The following SPRED1 variants were observed in gnomAD, a reference collection of about 807,000 sequenced individuals.
The protein encoded by SPRED1 is sprouty-related, EVH1 domain-containing protein 1.
A neutral mutation model predicts 52.3 loss-of-function variants in SPRED1; 18 were observed. The ratio of observed to expected loss-of-function variants is 0.34; its 90% CI spans 0.24 to 0.51. The LOEUF is 0.51. Ranked by LOEUF, SPRED1 falls within the 20% of genes least tolerant of loss-of-function variation. SPRED1 has a pLI of 0.97. For missense variants in SPRED1, 485 were observed against 551.0 expected (o/e 0.88, Z 1.20); for synonymous variants, 155 against 179.7 (o/e 0.86, Z 1.10).
At chr15:38,280,845 G>A (rs932947451) in intron 1 of SPRED1, among the ~76,000 whole-genome samples, 9 of 152,178 alleles carry the variant, frequency 5.9e-5, no homozygotes, top group African/African-American at 2.2e-4. Context: ...TACCTTAAAA[G>A]AGAAAACAGT....
At chr15:38,347,195 T>C (rs1293256086) in intron 5 of SPRED1, among the ~76,000 whole-genome samples, 1 of 152,170 alleles carries the variant, frequency 6.6e-6, no homozygotes, top group Non-Finnish European at 1.5e-5. Flanking sequence ...CCACTTTAAT[T>C]TGATTTCTCT....
intron 2 of SPRED1, among the ~76,000 whole-genome samples, chr15:38,309,800 G>GT (rs1389730210): frequency 5.9e-5 from 9 of 152,024 alleles, no homozygotes; most frequent in East Asian, 1.9e-4. Flanking sequence ...AGATCAAGGG[G>GT]TTTTTTTTCC....
intron 1 of SPRED1, among the ~76,000 whole-genome samples, chr15:38,293,345 G>A (rs888253625): frequency 3.3e-5 from 5 of 151,806 alleles, no homozygotes; most frequent in South Asian, 2.1e-4. Context: ...TGATCCACCT[G>A]CCTCGGCCTC....
chr15:38,254,560 C>A (rs1387740504), intron 1 of SPRED1, among the ~76,000 whole-genome samples: 1 of 152,036 alleles, frequency 6.6e-6, no homozygotes, highest in Non-Finnish European at 1.5e-5. Context: ...AAAGGATTTC[C>A]CAAGAAAAAA....
rs200319824 is a variant in SPRED1, at chr15:38,324,834, T to C, written c.423+25T>C. 3.8e-6 allele frequency: 6 copies of C among 1,598,976 alleles called. No homozygotes were observed. The South Asian group carries it at 4.4e-5, about 12-fold the overall frequency. On this transcript the variant is annotated intron_variant, in intron 4 of 6. Transcript: ENST00000299084. ...AGTAAGTAATGGCTTGGAAGGAATT[T>C]GTAAACATAAAGGATGTGGAAGAAA...
chr15:38,340,115 T>C (rs995449496), intron 5 of SPRED1, among the ~76,000 whole-genome samples: 4 of 152,206 alleles, frequency 2.6e-5, no homozygotes, highest in Non-Finnish European at 5.9e-5. Context: ...GGTGTAGCGA[T>C]TGAGCAAGGG....
At chr15:38,261,303 C>G (rs1437646012) in intron 1 of SPRED1, among the ~76,000 whole-genome samples, 1 of 152,126 alleles carries the variant, frequency 6.6e-6, no homozygotes, top group African/African-American at 2.4e-5. Flanking sequence ...TCCAAGAGTT[C>G]TAGAATCATA....
At chr15:38,283,303 A>G (rs535424164) in intron 1 of SPRED1, among the ~76,000 whole-genome samples, 3 of 152,200 alleles carry the variant, frequency 2.0e-5, no homozygotes, top group Non-Finnish European at 2.9e-5. Flanking sequence ...AACCACCCCC[A>G]TCATCCAGTC....
At chr15:38,253,893 T>C (rs1194817943) in intron 1 of SPRED1, among the ~76,000 whole-genome samples, 1 of 152,224 alleles carries the variant, frequency 6.6e-6, no homozygotes, top group Non-Finnish European at 1.5e-5. Context: ...AATTTTTACC[T>C]TTCAGCTATG....
intron 5 of SPRED1, among the ~76,000 whole-genome samples, chr15:38,342,585 AT>A (rs1003324886): frequency 4.0e-5 from 6 of 151,834 alleles, no homozygotes; most frequent in African/African-American, 1.5e-4. Context: ...AAAATCTTTT[AT>A]TTCCTTCATT....
chr15:38,320,794 GATTA>G (rs527734987), intron 2 of SPRED1, among the ~76,000 whole-genome samples: 11 of 151,990 alleles, frequency 7.2e-5, no homozygotes, highest in Non-Finnish European at 1.3e-4. Flanking sequence ...CTTTTTATTA[GATTA>G]ATTGCAAAGA....
At chr15:38,319,816 A>C (rs1895565343) in intron 2 of SPRED1, among the ~76,000 whole-genome samples, 1 of 152,248 alleles carries the variant, frequency 6.6e-6, no homozygotes, top group African/African-American at 2.4e-5. Flanking sequence ...AATAAAACTT[A>C]CTACCAAGAA....
chr15:38,253,026 G>C lies in SPRED1; in HGVS notation c.-160G>C. On this transcript the variant is annotated 5_prime_UTR_variant, in exon 1 of 7. Coordinates refer to ENST00000299084, the MANE Select transcript of SPRED1 (RefSeq NM_152594.3). Reference sequence around the variant, plus strand: ...GGGGGTGGCCGGGGTTCCCGGCTGGGGGGGTACCGTTCTGGGTGAGGCATC... The same window carrying C: ...GGGGGTGGCCGGGGTTCCCGGCTGGCGGGGTACCGTTCTGGGTGAGGCATC... 1 of 689,276 alleles carries C rather than the reference G, an allele frequency of 1.5e-6. No individual in the cohort carries two copies. Among genetic ancestry groups the C allele is most frequent in the South Asian group, 1.6e-5 (1 of 63,604 alleles). 42.7% of individuals were successfully genotyped at this position (689,276 alleles called of 1,614,324 possible). A position where few individuals can be genotyped will look rare whatever the true frequency, so the allele number is the denominator to read the frequency against.
In SPRED1 at chr15:38,339,816, A is replaced by T. The variant is rs774070689; in HGVS notation, c.503A>T (p.Tyr168Phe). Reference protein sequence around the residue: ...QQETVVTSEPYRSSNIRPSPF... With the variant: ...QQETVVTSEPFRSSNIRPSPF... ...GAGACAGTTGTTACCAGTGAGCCTTATAGAAGCTCAAATATAAGACCTTCT... is the reference window on the plus strand; with the variant it reads ...GAGACAGTTGTTACCAGTGAGCCTTTTAGAAGCTCAAATATAAGACCTTCT... Residue 168 changes from tyrosine (Y) to phenylalanine (F), a missense_variant, in exon 5 of 7, where the codon TAT (tyrosine) becomes TTT (phenylalanine). Around this residue, in one of 5 missense-constraint regions of SPRED1, gnomAD observed 232 missense variants for 231.8 expected, o/e 1.00. Transcript: ENST00000299084. The T allele has an allele frequency of 1.2e-6, 2 of 1,613,964 alleles. No individual in the cohort carries two copies. The highest frequency in any genetic ancestry group is 2.2e-5 in the South Asian group (2 of 91,086).
intron 5 of SPRED1, among the ~76,000 whole-genome samples, chr15:38,346,326 A>C (rs1470967079): frequency 6.7e-6 from 1 of 150,030 alleles, no homozygotes; most frequent in Non-Finnish European, 1.5e-5. Flanking sequence ...AAAAAAAAAA[A>C]ATCCTCTGGA....
intron 1 of SPRED1, 63 bp downstream of exon 1, chr15:38,253,280 C>G (rs991374608): frequency 6.9e-5 from 104 of 1,501,592 alleles, no homozygotes; most frequent in Non-Finnish European, 8.4e-5. Flanking sequence ...GGCTCTCCCC[C>G]AGACCCATCC....
At chr15:38,349,560 A>G (rs1462697541) in intron 6 of SPRED1, 37 bp downstream of exon 6, 1 of 844,958 alleles carries the variant, frequency 1.2e-6, no homozygotes, top group Non-Finnish European at 1.8e-6. Flanking sequence ...TATGGAATTT[A>G]ACTAATTAAT....
intron 2 of SPRED1, among the ~76,000 whole-genome samples, chr15:38,310,404 G>T (rs1895343588): frequency 6.6e-6 from 1 of 152,052 alleles, no homozygotes; most frequent in Non-Finnish European, 1.5e-5. Context: ...GCCTCCCAAA[G>T]TGCTGGGATT....
chr15:38,301,916 G>T (rs1446490648), intron 2 of SPRED1, among the ~76,000 whole-genome samples: 1 of 150,630 alleles, frequency 6.6e-6, no homozygotes, highest in Non-Finnish European at 1.5e-5. Flanking sequence ...GAGTCTGTAA[G>T]TCTACAGGGT....
Sources: allele counts gnomAD v4.1 joint callset (sites outside exome capture counted in the v4.1 genomes callset), GRCh38; gene constraint gnomAD v4.1.1; regional missense constraint gnomAD v4.1.1; transcripts MANE v1.5; gene names NCBI Gene and HGNC (gene_info 2026-07-23, HGNC 2026-07-21).